Variants in SHISA9 observed in about 807,000 individuals in gnomAD.
SHISA9 encodes the protein protein shisa-9.
Under a neutral mutation model 38.0 loss-of-function variants are expected in SHISA9, and 13 were observed. The observed-to-expected ratio is 0.34, with a 90% CI of 0.22 to 0.54. The LOEUF is 0.54. SHISA9 is among the 20% of genes least tolerant of loss of function. The probability of loss-of-function intolerance (pLI) is 0.91; values close to 1 mark genes in which losing one functional copy is unlikely to be tolerated. For synonymous variants in SHISA9, 275 were observed against 242.0 expected, an observed-to-expected ratio of 1.14 and a Z score of -1.27; for missense variants, 538 against 575.8, an observed-to-expected ratio of 0.93 and a Z score of 0.67.
the SHISA9 span, among the ~76,000 whole-genome samples, chr16:13,411,271 A>G: frequency 6.6e-6 from 1 of 152,224 alleles, no homozygotes; most frequent in African/African-American, 2.4e-5. Flanking sequence ...GCAGTTGAGC[A>G]TGATGATTAG....
chr16:13,114,677 G>A lies in SHISA9; in HGVS notation c.692-88717G>A, dbSNP rs186474581. ...TGCCTTCAACACCCCACCCTCTCCC[G>A]ACCAGGCAATTATAGTAATGAATTT... On this transcript the variant is annotated intron_variant, in intron 2 of 4. Coordinates refer to ENST00000558583, the MANE Select transcript of SHISA9 (RefSeq NM_001145204.3). Among the ~76,000 whole-genome samples, 344 of 151,564 alleles carry A rather than the reference G, an allele frequency of 2.3e-3. 2 individuals carry two copies. The highest frequency in any genetic ancestry group is 7.7e-3 in the African/African-American group (319 of 41,346).
At chr16:13,330,371 A>G in the SHISA9 span, among the ~76,000 whole-genome samples, 1 of 152,194 alleles carries the variant, frequency 6.6e-6, no homozygotes, top group South Asian at 2.1e-4. Context: ...GTTAACTATA[A>G]CAAGATAATA....
intron 2 of SHISA9, among the ~76,000 whole-genome samples, chr16:12,963,719 T>G (rs1379275051): frequency 6.6e-6 from 1 of 152,130 alleles, no homozygotes; most frequent in Non-Finnish European, 1.5e-5. Context: ...AGGTGCCAGG[T>G]GGGATTTAAA....
At chr16:12,917,452 GA>G (rs933590545) in intron 2 of SHISA9, among the ~76,000 whole-genome samples, 24 of 147,986 alleles carry the variant, frequency 1.6e-4, no homozygotes, top group South Asian at 4.3e-4. Context: ...TCTGCCAGGG[GA>G]AAAAAAAAAC....
chr16:13,414,543 G>C, the SHISA9 span, among the ~76,000 whole-genome samples: 2 of 152,166 alleles, frequency 1.3e-5, no homozygotes, highest in Non-Finnish European at 2.9e-5. Context: ...GAAGTAAAAA[G>C]ACTGGCTATG....
chr16:12,999,025 T>C (rs916639628), intron 2 of SHISA9, among the ~76,000 whole-genome samples: 3 of 152,236 alleles, frequency 2.0e-5, no homozygotes, highest in African/African-American at 4.8e-5. Flanking sequence ...ATGTATTTGA[T>C]GTGTGTTTCT....
intron 2 of SHISA9, among the ~76,000 whole-genome samples, chr16:13,102,344 AG>A: frequency 6.6e-6 from 1 of 152,154 alleles, no homozygotes; most frequent in Non-Finnish European, 1.5e-5. Context: ...AAACAGATAT[AG>A]GGCTGCTATT....
At chr16:13,113,209 CA>C (rs35316820) in intron 2 of SHISA9, among the ~76,000 whole-genome samples, 8,703 of 65,116 alleles carry the variant, frequency 0.13, 170 homozygotes, top group South Asian at 0.25. Context: ...GACTCCATCT[CA>C]AAAAAAAAAA....
chr16:13,236,250 AG>A lies in SHISA9; in HGVS notation c.*843del, dbSNP rs1417641885. 6 of 152,046 alleles carry A rather than the reference AG, an allele frequency of 3.9e-5. No homozygotes were observed. The highest frequency in any genetic ancestry group is 1.4e-4 in the African/African-American group (6 of 41,488). 9.4% of individuals were successfully genotyped at this position (152,046 alleles called of 1,614,324 possible). On this transcript the variant is annotated 3_prime_UTR_variant, in exon 5 of 5. Transcript: ENST00000558583. ...GAGTATCAAATAACTTTTTAAAAAG[AG>A]GATTAAAATGTAAGCCCACTACAAA...
the SHISA9 span, among the ~76,000 whole-genome samples, chr16:13,512,573 G>A: frequency 4.6e-5 from 7 of 152,132 alleles, no homozygotes; most frequent in Middle Eastern, 3.4e-3. Flanking sequence ...CAAAAAGAAC[G>A]AAGCTGGAGG....
chr16:13,298,896 T>G, the SHISA9 span, among the ~76,000 whole-genome samples: 1 of 152,190 alleles, frequency 6.6e-6, no homozygotes, highest in Non-Finnish European at 1.5e-5. Flanking sequence ...ACGTGTAGTT[T>G]CCCTTCTGCA....
chr16:13,515,154 C>T, the SHISA9 span, among the ~76,000 whole-genome samples: 1 of 152,090 alleles, frequency 6.6e-6, no homozygotes, highest in African/African-American at 2.4e-5. Flanking sequence ...TGTCTGCACC[C>T]CCTGCTCAAT....
chr16:13,036,318 G>A (rs1319690122), intron 2 of SHISA9, among the ~76,000 whole-genome samples: 3 of 152,212 alleles, frequency 2.0e-5, no homozygotes, highest in African/African-American at 4.8e-5. Context: ...ATTGATACAT[G>A]TAGCAGTATA....
chr16:13,430,203 A>G, the SHISA9 span, among the ~76,000 whole-genome samples: 126 of 152,338 alleles, frequency 8.3e-4, no homozygotes, highest in Middle Eastern at 3.4e-3. Context: ...TGTTTCAGCC[A>G]CCCAGTCTGT....
chr16:12,913,183 T>C (rs1338446266), intron 1 of SHISA9, among the ~76,000 whole-genome samples: 2 of 152,188 alleles, frequency 1.3e-5, no homozygotes, highest in Admixed American at 1.3e-4. Flanking sequence ...GTGGTTTTTG[T>C]CATTACTTCT....
intron 2 of SHISA9, among the ~76,000 whole-genome samples, chr16:13,178,023 T>C (rs1047688267): frequency 6.6e-6 from 1 of 152,174 alleles, no homozygotes; most frequent in African/African-American, 2.4e-5. Flanking sequence ...GCTTTGCACA[T>C]AGAGATATTT....
the SHISA9 span, among the ~76,000 whole-genome samples, chr16:13,325,013 G>C: frequency 6.6e-6 from 1 of 152,146 alleles, no homozygotes; most frequent in East Asian, 1.9e-4. Flanking sequence ...TTAGATAAGC[G>C]GGATTGGGGA....
chr16:12,920,189 G>A (rs1443557738), intron 2 of SHISA9, among the ~76,000 whole-genome samples: 1 of 140,530 alleles, frequency 7.1e-6, no homozygotes, highest in Non-Finnish European at 1.5e-5. Flanking sequence ...GGGGAGGGGG[G>A]AGGGATAGCA....
chr16:13,092,619 C>T (rs987415865), intron 2 of SHISA9, among the ~76,000 whole-genome samples: 1 of 152,248 alleles, frequency 6.6e-6, no homozygotes, highest in Non-Finnish European at 1.5e-5. Flanking sequence ...GGCATGGGAC[C>T]TGCCAAGCCA....
Sources: gnomAD v4.1 joint callset for allele counts (sites outside exome capture counted in the v4.1 genomes callset) on GRCh38, gnomAD v4.1.1 for gene constraint, MANE v1.5 for transcripts, NCBI Gene and HGNC (gene_info 2026-07-23, HGNC 2026-07-21) for gene names.